The following SYNRG variants were observed in gnomAD, a reference collection of about 807,000 sequenced individuals.
SYNRG encodes the protein AP1 gamma subunit binding protein 1.
In SYNRG, 37 loss-of-function variants were observed where a neutral mutation model predicts 130.9. The ratio of observed to expected loss-of-function variants is 0.28; its 90% CI spans 0.22 to 0.37. The LOEUF (loss-of-function observed/expected upper bound fraction) is 0.37. Among genes scored for constraint, SYNRG ranks in the 10% least tolerant of loss-of-function variants. SYNRG has a pLI of 1.00. For synonymous variants in SYNRG, 539 were observed against 568.1 expected (o/e 0.95, Z 0.73); for missense variants, 1,338 against 1,588.9 (o/e 0.84, Z 2.68).
intron 8 of SYNRG, among the ~76,000 whole-genome samples, chr17:37,575,806 G>C (rs1286021032): frequency 1.5e-5 from 2 of 134,646 alleles, no homozygotes; most frequent in Non-Finnish European, 3.1e-5. Context: ...TCCTGCCACT[G>C]AACTCCAGCC....
chr17:37,553,301 CAG>C lies in SYNRG; in HGVS notation c.2420_2421del (p.Ser807CysfsTer22), dbSNP rs1175672487. 4.3e-6 allele frequency: 7 copies of C among 1,613,914 alleles called. No individual in the cohort carries two copies. Among genetic ancestry groups the C allele is most frequent in the Non-Finnish European group, 5.9e-6 (7 of 1,179,994 alleles). On this transcript the variant is annotated frameshift_variant, in exon 14 of 22. Coordinates refer to ENST00000612223, the MANE Select transcript of SYNRG (RefSeq NM_007247.6). LOFTEE classifies it high-confidence loss of function. ...GGGAGATCTAAGGACTTCACTGATGCAGAGTCTTCTTTGGTGTGTCTGAAAGC... is the reference window on the plus strand; with the variant it reads ...GGGAGATCTAAGGACTTCACTGATGCAGTCTTCTTTGGTGTGTCTGAAAGC... ...AVAFRHTKED[S>X]ASVKSLDLPS...
intron 6 of SYNRG, chr17:37,579,409 A>G: frequency 7.7e-7 from 1 of 1,304,324 alleles, no homozygotes; most frequent in Non-Finnish European, 1.0e-6. Flanking sequence ...AGACAGTTTT[A>G]GTAGAATGAG....
chr17:37,596,107 C>T lies in SYNRG; in HGVS notation c.240+116G>A, dbSNP rs114189770. On this transcript the variant is annotated intron_variant, in intron 3 of 21. Coordinates refer to ENST00000612223, the MANE Select transcript of SYNRG (RefSeq NM_007247.6). The stretch of plus-strand genomic sequence containing the variant: ...CATCTTCATTTTAGTTTGAAGGAAG[C>T]CATTTATTTATGCTTATTTCTAATT... 3,014 of 1,199,724 alleles carry T rather than the reference C, an allele frequency of 2.5e-3. 40 individuals carry two copies. In the African/African-American group the frequency reaches 0.039, roughly 16 times the overall value. The allele number at this position is 1,199,724 out of a possible 1,614,324, so 74.3% of individuals were successfully genotyped here.
At chr17:37,519,488 C>T (rs1287159927) in intron 21 of SYNRG, among the ~76,000 whole-genome samples, 2 of 152,042 alleles carry the variant, frequency 1.3e-5, no homozygotes, top group African/African-American at 4.8e-5. Context: ...TGACCACAAG[C>T]CTATCATGAC....
chr17:37,529,343 TA>T (rs994209070), intron 19 of SYNRG, among the ~76,000 whole-genome samples: 1 of 151,858 alleles, frequency 6.6e-6, no homozygotes, highest in Non-Finnish European at 1.5e-5. Context: ...ATCCTTGGTA[TA>T]AAAAAACAAT....
At position 37,526,086 on chromosome 17, in the gene SYNRG, T is replaced by C. The variant is rs376441987; in HGVS notation, c.3667-5438A>G. 2.5e-3 allele frequency among the ~76,000 whole-genome samples: 386 copies of C among 152,144 alleles called. 2 individuals are homozygous for C. Among genetic ancestry groups the C allele is most frequent in the African/African-American group, 8.9e-3 (371 of 41,508 alleles). ...AGATGGAGGCTGCAGTGAGCTGAGA[T>C]TGCACCACTGCACTCCAGCCTGGGC... On this transcript the variant is annotated intron_variant, in intron 19 of 21. Coordinates refer to ENST00000612223, the MANE Select transcript of SYNRG (RefSeq NM_007247.6).
chr17:37,543,541 A>C (rs1324703425), intron 14 of SYNRG, among the ~76,000 whole-genome samples: 3 of 152,204 alleles, frequency 2.0e-5, no homozygotes, highest in Non-Finnish European at 1.5e-5. Flanking sequence ...TTTGCTTATC[A>C]GTAAAATGAG....
At chr17:37,545,180 T>C (rs914214874) in intron 14 of SYNRG, among the ~76,000 whole-genome samples, 3 of 151,346 alleles carry the variant, frequency 2.0e-5, no homozygotes, top group African/African-American at 7.3e-5. Context: ...GATTGCACCA[T>C]TGCACTCCAG....
intron 1 of SYNRG, among the ~76,000 whole-genome samples, chr17:37,608,297 T>TA (rs921661807): frequency 1.7e-3 from 258 of 147,882 alleles, no homozygotes; most frequent in East Asian, 4.1e-3. Flanking sequence ...ACACTGCATA[T>TA]AAAAAAAAAA....
chr17:37,599,971 G>C (rs1415581288), intron 2 of SYNRG, among the ~76,000 whole-genome samples: 1 of 152,138 alleles, frequency 6.6e-6, no homozygotes, highest in African/African-American at 2.4e-5. Context: ...TGCTAGATGA[G>C]CATTAGACAG....
intron 14 of SYNRG, among the ~76,000 whole-genome samples, chr17:37,544,986 G>A (rs964900779): frequency 3.3e-5 from 5 of 151,940 alleles, no homozygotes; most frequent in African/African-American, 1.2e-4. Flanking sequence ...TTGGGAGGCT[G>A]GGGCAGGTGG....
chr17:37,587,443 C>G (rs1045940680), intron 3 of SYNRG, among the ~76,000 whole-genome samples: 3 of 152,198 alleles, frequency 2.0e-5, no homozygotes, highest in African/African-American at 7.2e-5. Flanking sequence ...AAAGTCTGTC[C>G]GTGAAACACT....
chr17:37,525,275 A>AT (rs2055693756), intron 19 of SYNRG, among the ~76,000 whole-genome samples: 1 of 152,194 alleles, frequency 6.6e-6, no homozygotes, highest in Admixed American at 6.5e-5. Flanking sequence ...GATTTAAAAA[A>AT]ATATATACAT....
intron 5 of SYNRG, 76 bp from the exon 6 acceptor site, chr17:37,584,835 GCA>G: frequency 9.2e-7 from 1 of 1,090,296 alleles, no homozygotes; most frequent in Non-Finnish European, 1.3e-6. Flanking sequence ...ATTAAGAAAA[GCA>G]CAGATATTCA....
intron 3 of SYNRG, among the ~76,000 whole-genome samples, chr17:37,591,681 G>A (rs904312146): frequency 6.6e-6 from 1 of 152,182 alleles, no homozygotes; most frequent in African/African-American, 2.4e-5. Flanking sequence ...TGACAAAAAT[G>A]TGAAAGCATT....
chr17:37,607,477 T>G (rs2063847438), intron 1 of SYNRG, among the ~76,000 whole-genome samples: 1 of 152,210 alleles, frequency 6.6e-6, no homozygotes. Context: ...TTTTAGAAAC[T>G]GTAATCACAT....
At chr17:37,600,727 T>G in intron 1 of SYNRG, 1 of 433,084 alleles carries the variant, frequency 2.3e-6, no homozygotes, top group Non-Finnish European at 4.2e-6. Flanking sequence ...ATCTATTGAG[T>G]GTCAACTACA....
chr17:37,520,334 C>T (rs1426476067), intron 20 of SYNRG, 120 bp from the exon 21 acceptor site: 6 of 1,359,304 alleles, frequency 4.4e-6, no homozygotes, highest in Non-Finnish European at 6.3e-6. Context: ...CAGGGTGCTG[C>T]AGGCATGAGA....
intron 19 of SYNRG, among the ~76,000 whole-genome samples, chr17:37,533,315 C>T (rs1434111704): frequency 6.6e-6 from 1 of 151,588 alleles, no homozygotes; most frequent in Non-Finnish European, 1.5e-5. Flanking sequence ...GCGTGAGAAT[C>T]GCTTGAACCC....
Sources: gnomAD v4.1 joint callset for allele counts (sites outside exome capture counted in the v4.1 genomes callset) on GRCh38, gnomAD v4.1.1 for gene constraint, MANE v1.5 for transcripts, NCBI Gene and HGNC (gene_info 2026-07-23, HGNC 2026-07-21) for gene names.